The following DCC variants were observed in gnomAD, a reference collection of about 807,000 sequenced individuals.
DCC encodes the protein DCC netrin 1 receptor, also known as netrin receptor DCC.
A neutral mutation model predicts 172.5 loss-of-function variants in DCC; 58 were observed. The ratio of observed to expected loss-of-function variants is 0.34; its 90% CI spans 0.27 to 0.42. DCC has a LOEUF of 0.42. Ranked by LOEUF, DCC falls within the 10% of genes least tolerant of loss-of-function variation. The pLI is 1.00. For missense variants in DCC, 1,740 were observed against 1,791.0 expected (o/e 0.97, Z 0.51); for synonymous variants, 709 against 644.5 (o/e 1.10, Z -1.52).
chr18:53,019,331 A>C (rs1340914435), intron 5 of DCC, among the ~76,000 whole-genome samples: 1 of 152,162 alleles, frequency 6.6e-6, no homozygotes, highest in African/African-American at 2.4e-5. Flanking sequence ...TTTACAGAAG[A>C]CATTGGAACT....
At chr18:52,621,381 G>C (rs927634903) in intron 1 of DCC, among the ~76,000 whole-genome samples, 1 of 152,168 alleles carries the variant, frequency 6.6e-6, no homozygotes, top group Non-Finnish European at 1.5e-5. Context: ...GGTTGGGAAA[G>C]GAGGTAGGCT....
At chr18:52,513,493 AATT>A (rs987414936) in intron 1 of DCC, among the ~76,000 whole-genome samples, 31 of 152,144 alleles carry the variant, frequency 2.0e-4, no homozygotes, top group African/African-American at 7.2e-4. Context: ...TGGTTTTTTA[AATT>A]ATTATTATTT....
intron 1 of DCC, among the ~76,000 whole-genome samples, chr18:52,614,688 T>C (rs2034344809): frequency 6.6e-6 from 1 of 152,120 alleles, no homozygotes; most frequent in East Asian, 1.9e-4. Flanking sequence ...ATTTTCCCTG[T>C]CAATAATAAA....
chr18:53,191,038 G>T (rs1211540794), intron 9 of DCC, among the ~76,000 whole-genome samples: 2 of 152,140 alleles, frequency 1.3e-5, no homozygotes, highest in Non-Finnish European at 2.9e-5. Context: ...CAACGACCAT[G>T]CTAGGCACAT....
At chr18:52,413,932 T>C (rs1017350212) in intron 1 of DCC, among the ~76,000 whole-genome samples, 1 of 152,134 alleles carries the variant, frequency 6.6e-6, no homozygotes, top group African/African-American at 2.4e-5. Context: ...GCAAATAGAA[T>C]GATTTGTCAT....
intron 7 of DCC, among the ~76,000 whole-genome samples, chr18:53,069,658 G>T (rs999035966): frequency 1.3e-5 from 2 of 150,488 alleles, no homozygotes; most frequent in Admixed American, 6.6e-5. Flanking sequence ...AACCTTCCAT[G>T]AGTGTGGACT....
intron 25 of DCC, among the ~76,000 whole-genome samples, chr18:53,483,727 T>TGAG (rs1482804460): frequency 6.6e-6 from 1 of 151,908 alleles, no homozygotes; most frequent in Non-Finnish European, 1.5e-5. Context: ...CCAGTGACTA[T>TGAG]GAGTCTTTGT....
intron 1 of DCC, among the ~76,000 whole-genome samples, chr18:52,554,370 A>G (rs954084550): frequency 7.2e-5 from 11 of 152,236 alleles, no homozygotes; most frequent in African/African-American, 2.4e-4. Context: ...ATAAAGTTGC[A>G]GGGGCTGCAC....
chr18:52,849,474 C>G (rs944048998), intron 2 of DCC, among the ~76,000 whole-genome samples: 2 of 152,134 alleles, frequency 1.3e-5, no homozygotes, highest in Non-Finnish European at 2.9e-5. Flanking sequence ...GGGAATAGTG[C>G]CCCTAGCTGA....
At chr18:52,732,139 C>T (rs1174825318) in intron 1 of DCC, among the ~76,000 whole-genome samples, 1 of 152,090 alleles carries the variant, frequency 6.6e-6, no homozygotes, top group Non-Finnish European at 1.5e-5. Flanking sequence ...CTAATCATTC[C>T]TTAATGTGGG....
intron 2 of DCC, among the ~76,000 whole-genome samples, chr18:52,808,241 T>G (rs1035556569): frequency 3.3e-5 from 5 of 152,194 alleles, no homozygotes; most frequent in Admixed American, 2.0e-4. Context: ...TGTTCTGGAT[T>G]TTTGAATCAG....
chr18:53,251,112 T>C (rs1420683938), intron 12 of DCC, among the ~76,000 whole-genome samples: 2 of 151,978 alleles, frequency 1.3e-5, no homozygotes, highest in Non-Finnish European at 2.9e-5. Flanking sequence ...CCATCATCTC[T>C]AGTCTTATTC....
At chr18:52,406,229 A>C (rs1330929465) in intron 1 of DCC, among the ~76,000 whole-genome samples, 1 of 150,742 alleles carries the variant, frequency 6.6e-6, no homozygotes, top group African/African-American at 2.4e-5. Context: ...AGAGAAGAAA[A>C]CCTAGGCATT....
At chr18:52,725,649 G>T (rs373723694) in intron 1 of DCC, among the ~76,000 whole-genome samples, 76 of 152,268 alleles carry the variant, frequency 5.0e-4, no homozygotes, top group African/African-American at 1.6e-3. Context: ...TGCGACTCAT[G>T]GGAGAGGGTG....
intron 5 of DCC, among the ~76,000 whole-genome samples, chr18:53,061,251 TC>T (rs1194820592): frequency 6.6e-6 from 1 of 152,076 alleles, no homozygotes; most frequent in East Asian, 1.9e-4. Context: ...TCTTTTCTCT[TC>T]TTCAATATAA....
chr18:52,703,501 TA>T (rs113523660), intron 1 of DCC, among the ~76,000 whole-genome samples: 38,375 of 151,858 alleles, frequency 0.25, 5,121 homozygotes, highest in Admixed American at 0.31. Context: ...ATGGCCCTAT[TA>T]TTTTTTTAGC....
At chr18:53,379,549 C>CA (rs1196085186) in intron 15 of DCC, among the ~76,000 whole-genome samples, 3 of 152,094 alleles carry the variant, frequency 2.0e-5, no homozygotes, top group Non-Finnish European at 2.9e-5. Context: ...AGGGAAGCCT[C>CA]AAAAAAAGCT....
chr18:52,792,812 T>G (rs1210389135), intron 2 of DCC, among the ~76,000 whole-genome samples: 3 of 145,956 alleles, frequency 2.1e-5, no homozygotes, highest in Non-Finnish European at 4.6e-5. Context: ...TCCAGTTGAT[T>G]CAATTCCATT....
At chr18:53,409,015 A>T (rs1909833554) in intron 19 of DCC, among the ~76,000 whole-genome samples, 1 of 152,196 alleles carries the variant, frequency 6.6e-6, no homozygotes, top group African/African-American at 2.4e-5. Context: ...TTTTTACTTT[A>T]TTGAAGTGTA....
Sources: allele counts gnomAD v4.1 joint callset (sites outside exome capture counted in the v4.1 genomes callset), GRCh38; gene constraint gnomAD v4.1.1; transcripts MANE v1.5; gene names NCBI Gene and HGNC (gene_info 2026-07-23, HGNC 2026-07-21).